The following CLYBL variants were observed in gnomAD, a reference collection of about 807,000 sequenced individuals.
CLYBL encodes the protein citramalyl-CoA lyase, also known as citramalyl-CoA lyase, mitochondrial.
Under a neutral mutation model 38.9 loss-of-function variants are expected in CLYBL, and 31 were observed. That is an observed-to-expected ratio of 0.80 (90% CI 0.60 to 1.08). The LOEUF is 1.08. CLYBL is among the 50% of genes least tolerant of loss of function. The probability of loss-of-function intolerance (pLI) is 0.00; values close to 1 mark genes in which losing one functional copy is unlikely to be tolerated. For synonymous variants in CLYBL, 171 were observed against 158.6 expected (o/e 1.08, Z -0.59); for missense variants, 434 against 411.6 (o/e 1.05, Z -0.47).
At chr13:99,806,001 T>C (rs2050224685) in intron 2 of CLYBL, among the ~76,000 whole-genome samples, 1 of 152,226 alleles carries the variant, frequency 6.6e-6, no homozygotes, top group Non-Finnish European at 1.5e-5. Context: ...TCCCCTACCA[T>C]TGAATATTTA....
At chr13:99,759,469 G>A (rs1021988454) in intron 1 of CLYBL, among the ~76,000 whole-genome samples, 4 of 152,130 alleles carry the variant, frequency 2.6e-5, no homozygotes, top group South Asian at 2.1e-4. Context: ...TGAGTTCTAC[G>A]CACCCAAGTC....
At chr13:99,677,968 C>T (rs2139386625) in intron 1 of CLYBL, among the ~76,000 whole-genome samples, 1 of 152,266 alleles carries the variant, frequency 6.6e-6, no homozygotes, top group East Asian at 1.9e-4. Context: ...GTGGCTTTTC[C>T]TCCTGACATG....
At chr13:99,664,210 G>C (rs1036373288) in intron 1 of CLYBL, among the ~76,000 whole-genome samples, 1 of 152,156 alleles carries the variant, frequency 6.6e-6, no homozygotes, top group Non-Finnish European at 1.5e-5. Context: ...AAGTTTTCCT[G>C]TGTTCTTAGT....
intron 1 of CLYBL, among the ~76,000 whole-genome samples, chr13:99,729,638 T>G (rs891589704): frequency 2.0e-5 from 3 of 152,194 alleles, no homozygotes; most frequent in African/African-American, 7.2e-5. Flanking sequence ...ATCGGCCTGT[T>G]GACAAGGCAC....
intron 1 of CLYBL, among the ~76,000 whole-genome samples, chr13:99,676,528 C>A (rs181421805): frequency 3.3e-5 from 5 of 151,140 alleles, no homozygotes; most frequent in Admixed American, 6.6e-5. Flanking sequence ...AAACTCCTGA[C>A]CTCAAGTCAC....
chr13:99,665,019 A>G (rs1237570054), intron 1 of CLYBL, among the ~76,000 whole-genome samples: 1 of 151,930 alleles, frequency 6.6e-6, no homozygotes. Context: ...TTTTCAATTA[A>G]AAAGTGGTTT....
chr13:99,862,376 C>T (rs2051625066), intron 3 of CLYBL, among the ~76,000 whole-genome samples: 1 of 152,020 alleles, frequency 6.6e-6, no homozygotes, highest in Admixed American at 6.5e-5. Flanking sequence ...TTTGGGCTAC[C>T]CCACTGGCAG....
chr13:99,801,607 G>C (rs149760911), intron 2 of CLYBL, among the ~76,000 whole-genome samples: 25 of 152,330 alleles, frequency 1.6e-4, no homozygotes, highest in African/African-American at 5.5e-4. Context: ...ACCAAATTCT[G>C]TGTGGCTAAC....
chr13:99,724,108 T>C (rs1417832319), intron 1 of CLYBL, among the ~76,000 whole-genome samples: 1 of 152,210 alleles, frequency 6.6e-6, no homozygotes, highest in Non-Finnish European at 1.5e-5. Context: ...TTCCCATTCA[T>C]GCATGAGGGA....
At chr13:99,876,111 G>A (rs1239993850) in intron 7 of CLYBL, among the ~76,000 whole-genome samples, 1 of 119,322 alleles carries the variant, frequency 8.4e-6, no homozygotes, top group African/African-American at 3.2e-5. Flanking sequence ...TGGCTGGTTT[G>A]GTATTAGAAG....
intron 7 of CLYBL, among the ~76,000 whole-genome samples, chr13:99,872,723 G>A (rs911533788): frequency 6.6e-6 from 1 of 152,166 alleles, no homozygotes; most frequent in African/African-American, 2.4e-5. Context: ...GAGGGCAGTT[G>A]GCATTGTAAG....
At chr13:99,817,861 G>A (rs934128385) in intron 2 of CLYBL, among the ~76,000 whole-genome samples, 6 of 151,710 alleles carry the variant, frequency 4.0e-5, no homozygotes, top group African/African-American at 7.3e-5. Context: ...AAAATTAGTC[G>A]GGCGTGGTGG....
chr13:99,827,430 GA>G (rs2050716140), intron 2 of CLYBL, among the ~76,000 whole-genome samples: 1 of 152,158 alleles, frequency 6.6e-6, no homozygotes, highest in South Asian at 2.1e-4. Context: ...TGTTGATGAG[GA>G]ATGTAGTCAC....
chr13:99,750,113 A>G (rs1566311594), intron 1 of CLYBL, among the ~76,000 whole-genome samples: 1 of 152,222 alleles, frequency 6.6e-6, no homozygotes. Context: ...TCAGACCCAC[A>G]GGCCATACAA....
chr13:99,799,749 C>A (rs933718097), intron 2 of CLYBL, among the ~76,000 whole-genome samples: 1 of 152,172 alleles, frequency 6.6e-6, no homozygotes, highest in Non-Finnish European at 1.5e-5. Flanking sequence ...GGTAGATAAT[C>A]CTGTGCAGAT....
chr13:99,678,407 T>C lies in CLYBL; in HGVS notation c.62+71650T>C, dbSNP rs115612686. Among the ~76,000 whole-genome samples, 678 of 152,322 alleles carry C rather than the reference T, an allele frequency of 4.5e-3. 3 individuals are homozygous for C. Among genetic ancestry groups the C allele is most frequent in the African/African-American group, 0.015 (641 of 41,572 alleles). ...GTCACTTCTCACCATGCCTTATTTT[T>C]CCCAAAAGGTTGATTCCAAGCTCTG... On this transcript the variant is annotated intron_variant, in intron 1 of 8. Coordinates refer to ENST00000339105, the MANE Select transcript of CLYBL (RefSeq NM_206808.5).
chr13:99,785,056 C>T (rs1012273840), intron 2 of CLYBL, among the ~76,000 whole-genome samples: 3 of 151,668 alleles, frequency 2.0e-5, no homozygotes, highest in African/African-American at 7.3e-5. Flanking sequence ...CCACACCTGG[C>T]TAATTTTTGT....
In CLYBL at chr13:99,864,853, A is replaced by G. The variant is rs2051700350; in HGVS notation, c.576A>G (p.Gln192=). Residue 192 remains glutamine, a synonymous_variant, in exon 5 of 9, where the codon CAA becomes CAG. Transcript: ENST00000339105. ...AAGAAACCCTGAAGGTCGGGCCTCA[A>G]GTAGGTCTCTTTCTAGATGCAGTCG... ...VCEETLKVGP[Q]VGLFLDAVVF... is the part of the protein sequence containing the mutation. 1 of 1,614,026 alleles carries G rather than the reference A, an allele frequency of 6.2e-7. No individual in the cohort carries two copies. The highest frequency in any genetic ancestry group is 2.2e-5 in the East Asian group (1 of 44,872).
intron 8 of CLYBL, 80 bp downstream of exon 8, chr13:99,891,517 C>G: frequency 1.3e-6 from 1 of 753,622 alleles, no homozygotes; most frequent in Non-Finnish European, 2.3e-6. Context: ...CAGATTGGGA[C>G]CTGACTCCAT....
Sources: allele counts gnomAD v4.1 joint callset (sites outside exome capture counted in the v4.1 genomes callset), GRCh38; gene constraint gnomAD v4.1.1; transcripts MANE v1.5; gene names NCBI Gene and HGNC (gene_info 2026-07-23, HGNC 2026-07-21).